Variants in TBC1D1 observed in about 807,000 individuals in gnomAD.
The protein encoded by TBC1D1 is TBC1 domain family member 1.
TBC1D1 carries 89 observed loss-of-function variants against 125.6 expected under a neutral mutation model. That is an observed-to-expected ratio of 0.71 (90% confidence interval 0.60 to 0.85). The LOEUF (loss-of-function observed/expected upper bound fraction) is 0.85, where lower values mean the gene tolerates loss of function less well. Among genes scored for constraint, TBC1D1 ranks in the 40% least tolerant of loss-of-function variants. The pLI is 0.00. For synonymous variants in TBC1D1, 565 were observed against 564.1 expected, an observed-to-expected ratio of 1.00 and a Z score of -0.02; for missense variants, 1,377 against 1,469.2, an observed-to-expected ratio of 0.94 and a Z score of 1.03.
At chr4:37,964,815 A>G (rs1226679770) in intron 2 of TBC1D1, among the ~76,000 whole-genome samples, 1 of 152,134 alleles carries the variant, frequency 6.6e-6, no homozygotes, top group Non-Finnish European at 1.5e-5. Flanking sequence ...TTTCATGTCT[A>G]TTTGTATCTC....
chr4:37,938,772 G>A (rs1007009889), intron 2 of TBC1D1, among the ~76,000 whole-genome samples: 2 of 152,076 alleles, frequency 1.3e-5, no homozygotes, highest in Non-Finnish European at 2.9e-5. Context: ...GAGAACAAGC[G>A]GTGTTTGGTT....
chr4:38,131,761 G>T (rs368965915), intron 18 of TBC1D1, among the ~76,000 whole-genome samples: 1 of 152,112 alleles, frequency 6.6e-6, no homozygotes, highest in Non-Finnish European at 1.5e-5. Context: ...CTGACCTCAC[G>T]GTCGCTCTGA....
chr4:37,953,106 C>T (rs895638617), intron 2 of TBC1D1, among the ~76,000 whole-genome samples: 6 of 152,188 alleles, frequency 3.9e-5, no homozygotes, highest in African/African-American at 1.2e-4. Flanking sequence ...AGACATTTTG[C>T]ATTCGGAGCC....
chr4:38,051,606 C>G (rs1191801317), intron 11 of TBC1D1, among the ~76,000 whole-genome samples: 1 of 151,602 alleles, frequency 6.6e-6, no homozygotes, highest in African/African-American at 2.4e-5. Flanking sequence ...CTACCGCACT[C>G]CAGCCTGGGT....
At chr4:38,090,200 TTAAAAA>T in intron 13 of TBC1D1, 83 bp downstream of exon 15, 1 of 1,367,336 alleles carries the variant, frequency 7.3e-7, no homozygotes, top group Non-Finnish European at 1.0e-6. Context: ...GCATGCTGTC[TTAAAAA>T]TACAGCAGCA....
At chr4:37,988,928 G>A (rs1736002714) in intron 2 of TBC1D1, among the ~76,000 whole-genome samples, 1 of 152,172 alleles carries the variant, frequency 6.6e-6, no homozygotes, top group African/African-American at 2.4e-5. Flanking sequence ...TCTTAAGACT[G>A]CCAAAACAGA....
Position 38,115,931 on chromosome 4 carries a change from C to T in TBC1D1, c.2779C>T (p.Arg927Trp), listed in dbSNP as rs780900876. 1.9e-5 allele frequency: 31 copies of T among 1,614,020 alleles called. No individual in the cohort carries two copies. In the Admixed American group the frequency reaches 2.2e-4, roughly 11 times the overall value. ...TGACATGGGGCTGCGGAAACAGTATCGGCCAGACATGATTATTTTACAGGT... is the reference window on the plus strand; with the variant it reads ...TGACATGGGGCTGCGGAAACAGTATTGGCCAGACATGATTATTTTACAGGT... Residue 927 changes from arginine (R) to tryptophan (W), a missense_variant, in exon 16 of 20, where the codon CGG becomes TGG. Physicochemically the swap from Arg to Trp is moderately radical, Grantham distance 101. Transcript: ENST00000261439.
At chr4:38,057,413 T>TGATG (rs1751930012) in intron 12 of TBC1D1, among the ~76,000 whole-genome samples, 2 of 152,118 alleles carry the variant, frequency 1.3e-5, no homozygotes, top group Non-Finnish European at 2.9e-5. Context: ...TTGTCACCCA[T>TGATG]CTCCGGCAGC....
At chr4:38,068,581 G>T (rs1293855812) in intron 12 of TBC1D1, among the ~76,000 whole-genome samples, 1 of 152,096 alleles carries the variant, frequency 6.6e-6, no homozygotes, top group Non-Finnish European at 1.5e-5. Flanking sequence ...GTGTCTTCGG[G>T]TTATTTATCT....
intron 19 of TBC1D1, among the ~76,000 whole-genome samples, chr4:38,135,924 ATGTG>A (rs57275262): frequency 0.063 from 9,157 of 144,914 alleles, 728 homozygotes; most frequent in African/African-American, 0.18. Context: ...GTGTGTGTAT[ATGTG>A]TGTGTGTGTG....
intron 2 of TBC1D1, among the ~76,000 whole-genome samples, chr4:37,949,509 T>G (rs1344219875): frequency 6.6e-6 from 1 of 152,240 alleles, no homozygotes; most frequent in African/African-American, 2.4e-5. Context: ...AGGTGCGTAC[T>G]GGCAGCTTCT....
chr4:38,111,516 A>AAT (rs1490632284), intron 15 of TBC1D1, among the ~76,000 whole-genome samples: 7 of 152,234 alleles, frequency 4.6e-5, no homozygotes, highest in African/African-American at 1.7e-4. Context: ...TGTTTTCCAA[A>AAT]ATAAAATTAG....
At chr4:38,038,260 G>A (rs1747606510) in intron 8 of TBC1D1, among the ~76,000 whole-genome samples, 1 of 151,990 alleles carries the variant, frequency 6.6e-6, no homozygotes, top group Non-Finnish European at 1.5e-5. Flanking sequence ...TCTTGGGTCT[G>A]TTTTCTAGTA....
chr4:37,976,610 C>T (rs898951369), intron 2 of TBC1D1, among the ~76,000 whole-genome samples: 1 of 152,000 alleles, frequency 6.6e-6, no homozygotes, highest in African/African-American at 2.4e-5. Context: ...GTGGTTCCAC[C>T]TGACACATGC....
Position 38,137,481 on chromosome 4 carries a change from C to A in TBC1D1, c.*146C>A. 8.4e-7 allele frequency: 1 copy of A among 1,189,506 alleles called. No homozygotes were observed. Among genetic ancestry groups the A allele is most frequent in the Non-Finnish European group, 1.1e-6 (1 of 927,168 alleles). 73.7% of individuals were successfully genotyped at this position (1,189,506 alleles called of 1,614,324 possible). On this transcript the variant is annotated 3_prime_UTR_variant, in exon 20 of 20. Transcript: ENST00000261439. ...TTGCCAGCAAGTAGATTCTTACGAA[C>A]TCCAACTTGCAATTCAGGGGGCATG...
At chr4:38,069,437 CA>C (rs898103521) in intron 12 of TBC1D1, among the ~76,000 whole-genome samples, 1 of 151,908 alleles carries the variant, frequency 6.6e-6, no homozygotes, top group African/African-American at 2.4e-5. Context: ...TTGCAAGAAA[CA>C]AAAAAATGAC....
intron 12 of TBC1D1, among the ~76,000 whole-genome samples, chr4:38,074,994 C>T (rs906446265): frequency 1.8e-4 from 27 of 152,116 alleles, no homozygotes; most frequent in African/African-American, 5.3e-4. Flanking sequence ...CTCCTGACCT[C>T]GTCATCCGCC....
rs150619808 is a variant in TBC1D1, at chr4:38,118,177, G to A, written c.2947G>A (p.Val983Ile). Reference sequence around the variant, plus strand: ...TGCCTCACAGTTCCCGCTGGGATTCGTAGCCAGAGTCTTTGGTGAGCATTA... The same window carrying A: ...TGCCTCACAGTTCCCGCTGGGATTCATAGCCAGAGTCTTTGGTGAGCATTA... Residue 983 changes from valine to isoleucine, a missense_variant, in exon 17 of 20, where the codon GTA becomes ATA. Physicochemically the swap from Val to Ile is conservative, Grantham distance 29 (BLOSUM62 3). Around this residue, in one of 3 missense-constraint regions of TBC1D1, gnomAD observed 543 missense variants for 613.5 expected, o/e 0.89. Transcript: ENST00000261439. The A allele has an allele frequency of 9.0e-5, 146 of 1,614,052 alleles. No homozygotes were observed. The African/African-American group carries it at 1.2e-3, about 13-fold the overall frequency.
intron 12 of TBC1D1, among the ~76,000 whole-genome samples, chr4:38,081,696 CA>C (rs1193199086): frequency 2.0e-5 from 3 of 152,116 alleles, no homozygotes; most frequent in African/African-American, 7.2e-5. Context: ...TAAGTGCTCT[CA>C]AGGATTTTTC....
Sources: gnomAD v4.1 joint callset for allele counts (sites outside exome capture counted in the v4.1 genomes callset) on GRCh38, gnomAD v4.1.1 for gene constraint, gnomAD v4.1.1 regional missense constraint, MANE v1.5 for transcripts, NCBI Gene and HGNC (gene_info 2026-07-23, HGNC 2026-07-21) for gene names.